The following SRRM1 variants were observed in gnomAD, a reference collection of about 807,000 sequenced individuals.
The protein encoded by SRRM1 is serine and arginine repetitive matrix 1.
SRRM1 carries 19 observed loss-of-function variants against 110.2 expected under a neutral mutation model. The ratio of observed to expected loss-of-function variants is 0.17; its 90% CI spans 0.12 to 0.25. The LOEUF is 0.25. Ranked by LOEUF, SRRM1 falls within the 10% of genes least tolerant of loss-of-function variation. The pLI is 1.00. For synonymous variants in SRRM1, 443 were observed against 414.9 expected (o/e 1.07, Z -0.82); for missense variants, 918 against 1,145.8 (o/e 0.80, Z 2.87).
In SRRM1 at chr1:24,652,054, A is replaced by AGTGTG; in HGVS notation, c.726-380_726-379insGTGTG. On this transcript the variant is annotated intron_variant, in intron 6 of 16. Transcript: ENST00000323848. ...AATATATATATATATATATATATAT[A>AGTGTG]TATATATATGTACACACACACACAC... Among the ~76,000 whole-genome samples, 2 of 134,728 alleles carry AGTGTG rather than the reference A, an allele frequency of 1.5e-5. 1 individual carries two copies. The highest frequency in any genetic ancestry group is 5.4e-5 in the African/African-American group (2 of 36,972). 88.4% of individuals were successfully genotyped at this position (134,728 alleles called of 152,430 possible). A position where few individuals can be genotyped will look rare whatever the true frequency, so the allele number is the denominator to read the frequency against.
chr1:24,667,849 A>C (rs139451270), intron 13 of SRRM1, among the ~76,000 whole-genome samples: 4 of 152,152 alleles, frequency 2.6e-5, no homozygotes, highest in Non-Finnish European at 5.9e-5. Context: ...TGAAGTGGCA[A>C]ATCTCCTATT....
At position 24,664,679 on chromosome 1, in the gene SRRM1, C is replaced by T. The variant is rs560396113; in HGVS notation, c.1628+1875C>T. On this transcript the variant is annotated intron_variant, in intron 12 of 16. Coordinates refer to ENST00000323848, the MANE Select transcript of SRRM1 (RefSeq NM_005839.4). Reference sequence around the variant, plus strand: ...GCAGTGTTTGTGATGGAGCAAAGCACGGGGTATTTACACTGTGGAGGAAAC... The same window carrying T: ...GCAGTGTTTGTGATGGAGCAAAGCATGGGGTATTTACACTGTGGAGGAAAC... Among the ~76,000 whole-genome samples, 7 of 152,196 alleles carry T rather than the reference C, an allele frequency of 4.6e-5. No homozygotes were observed. In the South Asian group the frequency reaches 6.2e-4, roughly 14 times the overall value.
At chr1:24,660,648 A>G (rs1422608242) in intron 9 of SRRM1, 71 bp from the exon 10 acceptor site, 3 of 718,938 alleles carry the variant, frequency 4.2e-6, no homozygotes, top group Non-Finnish European at 6.7e-6. Context: ...ATTTTTAAAA[A>G]TTAAAAGAAA....
At chr1:24,660,373 T>C (rs1666528103) in intron 9 of SRRM1, among the ~76,000 whole-genome samples, 1 of 152,246 alleles carries the variant, frequency 6.6e-6, no homozygotes, top group African/African-American at 2.4e-5. Flanking sequence ...CATTAAACAT[T>C]TAAAAATTCT....
chr1:24,655,129 G>A lies in SRRM1; in HGVS notation c.1315G>A (p.Val439Met). 1.2e-6 allele frequency: 2 copies of A among 1,613,442 alleles called. No homozygotes were observed. The highest frequency in any genetic ancestry group is 1.7e-6 in the Non-Finnish European group (2 of 1,179,622). The change falls in exon 9 of 17, where the codon GTG becomes ATG. Residue 439 changes from valine (V) to methionine (M), a missense_variant and splice_region_variant. Val to Met is a conservative substitution (Grantham distance 21, BLOSUM62 1). Coordinates refer to ENST00000323848, the MANE Select transcript of SRRM1 (RefSeq NM_005839.4). Reference protein sequence around the residue: ...SVSPGRTSGKVTKHKGTEKRE... With the variant: ...SVSPGRTSGKMTKHKGTEKRE... ...GTCTCCAGGGAGAACTTCAGGTAAA[G>A]GTAAAAATCAAACACATATGAAACA...
chr1:24,670,499 G>GT (rs1557754844), intron 15 of SRRM1, among the ~76,000 whole-genome samples, 184 bp downstream of exon 15: 1 of 149,482 alleles, frequency 6.7e-6, no homozygotes, highest in African/African-American at 2.6e-5. Context: ...GTGTCCATCT[G>GT]TTTTTTGTTT....
At chr1:24,647,611 T>A (rs1051823147) in intron 3 of SRRM1, 10 of 152,664 alleles carry the variant, frequency 6.6e-5, no homozygotes, top group African/African-American at 2.4e-4. Flanking sequence ...TTTTTGCATA[T>A]ATACCAATGT....
rs769273935 is a variant in SRRM1, at chr1:24,670,090, A to G, written c.2205-30A>G. ...CATGTGAAGAGAGATGGCTGTTCTC[A>G]ATGCTGAATGTTTTTTCCTTTTTGT... is the stretch of plus-strand genomic sequence containing the variant. On this transcript the variant is annotated intron_variant, in intron 14 of 16. Coordinates refer to ENST00000323848, the MANE Select transcript of SRRM1 (RefSeq NM_005839.4). 2.6e-6 allele frequency: 4 copies of G among 1,523,570 alleles called. No individual in the cohort carries two copies. In the Admixed American group the frequency reaches 8.9e-5, roughly 34 times the overall value. The allele number at this position is 1,523,570 out of a possible 1,614,324, so 94.4% of individuals were successfully genotyped here. A position where few individuals can be genotyped will look rare whatever the true frequency, so the allele number is the denominator to read the frequency against.
intron 12 of SRRM1, among the ~76,000 whole-genome samples, chr1:24,663,571 G>C (rs1467331995): frequency 6.6e-6 from 1 of 152,030 alleles, no homozygotes; most frequent in Non-Finnish European, 1.5e-5. Flanking sequence ...CTTAGATTTG[G>C]GGGGAGGGAC....
Position 24,660,811 on chromosome 1 carries a change from GTT to G in SRRM1, c.1396+20_1396+21del. On this transcript the variant is annotated intron_variant, in intron 10 of 16. Coordinates refer to ENST00000323848, the MANE Select transcript of SRRM1 (RefSeq NM_005839.4). Reference sequence around the variant, plus strand: ...GTTATCTGAATCGGGTAAGTTTGTTGTTTTTTTTTGTGATTTTGGTTTGTTTG... The same window carrying G: ...GTTATCTGAATCGGGTAAGTTTGTTGTTTTTTTGTGATTTTGGTTTGTTTG... 1.3e-6 allele frequency: 2 copies of G among 1,515,098 alleles called. No homozygotes were observed. Among genetic ancestry groups the G allele is most frequent in the Non-Finnish European group, 1.8e-6 (2 of 1,121,132 alleles). The allele number at this position is 1,515,098 out of a possible 1,614,324, so 93.9% of individuals were successfully genotyped here. A position where few individuals can be genotyped will look rare whatever the true frequency, so the allele number is the denominator to read the frequency against.
intron 5 of SRRM1, 82 bp from the exon 6 acceptor site, chr1:24,651,327 G>C: frequency 8.8e-7 from 1 of 1,135,174 alleles, no homozygotes; most frequent in Non-Finnish European, 1.3e-6. Context: ...TGTAACTAAA[G>C]ATTAATCCTC....
chr1:24,667,477 T>A (rs1239898571), intron 13 of SRRM1, among the ~76,000 whole-genome samples: 1 of 152,202 alleles, frequency 6.6e-6, no homozygotes, highest in Non-Finnish European at 1.5e-5. Context: ...CAATAAAACA[T>A]TGGCATCGTG....
chr1:24,670,138 A>G lies in SRRM1; in HGVS notation c.2223A>G (p.Pro741=), dbSNP rs1043466268. 2 of 1,595,880 alleles carry G rather than the reference A, an allele frequency of 1.3e-6. No individual in the cohort carries two copies. The highest frequency in any genetic ancestry group is 1.8e-5 in the Admixed American group (1 of 55,086). Residue 741 remains proline (P), a synonymous_variant, in exon 15 of 17, where the codon CCA becomes CCG. Transcript: ENST00000323848. The part of the protein sequence containing the change: ...KKIKKAASPS[P]QSVRRVSSSR... ...TGTCTAGGGCTGCTTCCCCAAGCCC[A>G]CAGTCTGTAAGAAGGGTCTCATCCT...
intron 10 of SRRM1, chr1:24,661,028 T>C: frequency 3.7e-6 from 2 of 534,858 alleles, no homozygotes; most frequent in East Asian, 3.0e-5. Context: ...ATCTCCGAAA[T>C]AGGGACAGTA....
At chr1:24,646,991 T>C (rs1658059108) in intron 3 of SRRM1, 1 of 412,000 alleles carries the variant, frequency 2.4e-6, no homozygotes. Context: ...AGGTGAAAAA[T>C]CAAACTTATT....
intron 9 of SRRM1, among the ~76,000 whole-genome samples, chr1:24,657,105 G>T (rs554070181): frequency 6.6e-6 from 1 of 152,208 alleles, no homozygotes; most frequent in South Asian, 2.1e-4. Context: ...AATAGAGCCA[G>T]CATCTCACTC....
At chr1:24,646,180 T>C in intron 2 of SRRM1, 107 bp downstream of exon 2, 1 of 803,280 alleles carries the variant, frequency 1.2e-6, no homozygotes, top group Non-Finnish European at 2.1e-6. Flanking sequence ...AAGAAAAACA[T>C]AATTGAACAT....
chr1:24,662,618 G>A (rs777922109), intron 11 of SRRM1, 42 bp from the exon 12 acceptor site: 2 of 1,598,842 alleles, frequency 1.3e-6, no homozygotes, highest in Non-Finnish European at 1.7e-6. Context: ...ACAGATTCAA[G>A]CACAAACCTA....
chr1:24,662,570 A>G (rs1667826496), intron 11 of SRRM1, 90 bp from the exon 12 acceptor site: 5 of 1,312,584 alleles, frequency 3.8e-6, no homozygotes, highest in Non-Finnish European at 4.3e-6. Flanking sequence ...TGCTTACCCT[A>G]GTGAACACTC....
Sources: gnomAD v4.1 joint callset for allele counts (sites outside exome capture counted in the v4.1 genomes callset) on GRCh38, gnomAD v4.1.1 for gene constraint, MANE v1.5 for transcripts, NCBI Gene and HGNC (gene_info 2026-07-23, HGNC 2026-07-21) for gene names.